Variants in ZMIZ1 observed in about 807,000 individuals in gnomAD.
ZMIZ1 encodes zinc finger MIZ domain-containing protein 1.
In ZMIZ1, 17 loss-of-function variants were observed where a neutral mutation model predicts 113.9. That is an observed-to-expected ratio of 0.15 (90% CI 0.10 to 0.22). The LOEUF (loss-of-function observed/expected upper bound fraction) is 0.22. Ranked by LOEUF, ZMIZ1 falls within the 10% of genes least tolerant of loss-of-function variation. The probability of loss-of-function intolerance (pLI) is 1.00; values close to 1 mark genes in which losing one functional copy is unlikely to be tolerated. For missense variants in ZMIZ1, 1,059 were observed against 1,477.8 expected, an observed-to-expected ratio of 0.72 and a Z score of 4.65; for synonymous variants, 607 against 603.1, an observed-to-expected ratio of 1.01 and a Z score of -0.09.
intron 4 of ZMIZ1, among the ~76,000 whole-genome samples, chr10:79,166,598 C>A (rs913660188): frequency 2.6e-5 from 4 of 152,260 alleles, no homozygotes; most frequent in Non-Finnish European, 5.9e-5. Flanking sequence ...GAGAGGCGGC[C>A]TGTGCCCACT....
chr10:79,285,849 T>C (rs770662955), intron 8 of ZMIZ1, among the ~76,000 whole-genome samples: 7 of 152,170 alleles, frequency 4.6e-5, no homozygotes, highest in Non-Finnish European at 8.8e-5. Context: ...GGAGGTGGCC[T>C]TTGGAAGAGC....
At chr10:79,149,445 C>A (rs1589339232) in intron 3 of ZMIZ1, among the ~76,000 whole-genome samples, 1 of 152,202 alleles carries the variant, frequency 6.6e-6, no homozygotes, top group African/African-American at 2.4e-5. Context: ...TCCCACCATA[C>A]CCCCAACCTG....
At chr10:79,247,440 G>A (rs1202715489) in intron 7 of ZMIZ1, among the ~76,000 whole-genome samples, 2 of 152,206 alleles carry the variant, frequency 1.3e-5, no homozygotes, top group Non-Finnish European at 2.9e-5. Flanking sequence ...CAGAGTACTG[G>A]GCGTGAGGAC....
chr10:79,156,870 C>T (rs996159273), intron 3 of ZMIZ1, among the ~76,000 whole-genome samples: 1 of 152,220 alleles, frequency 6.6e-6, no homozygotes, highest in Non-Finnish European at 1.5e-5. Context: ...AGCACCAAGT[C>T]CCTGGGTTCA....
At chr10:79,113,893 C>G (rs1843868176) in intron 1 of ZMIZ1, among the ~76,000 whole-genome samples, 1 of 152,192 alleles carries the variant, frequency 6.6e-6, no homozygotes. Context: ...GTGGGTCCTA[C>G]AGGCCTGATG....
rs748182961 is a variant in ZMIZ1 at position 79,277,162 on chromosome 10, T to C, written c.281-19T>C. 10 of 1,498,510 alleles carry C rather than the reference T, an allele frequency of 6.7e-6. No homozygotes were observed. 92.8% of individuals were successfully genotyped at this position (1,498,510 alleles called of 1,614,324 possible). A position where few individuals can be genotyped will look rare whatever the true frequency, so the allele number is the denominator to read the frequency against. On this transcript the variant is annotated intron_variant, in intron 7 of 24. Transcript: ENST00000334512. Reference sequence around the variant, plus strand: ...GCATGATGAACAAGCACCCACTGACTGTCCTGTCCTTCCTGCAGCCTTGTT... The same window carrying C: ...GCATGATGAACAAGCACCCACTGACCGTCCTGTCCTTCCTGCAGCCTTGTT...
At chr10:79,262,612 A>G (rs1385253239) in intron 7 of ZMIZ1, among the ~76,000 whole-genome samples, 2 of 152,256 alleles carry the variant, frequency 1.3e-5, no homozygotes, top group African/African-American at 4.8e-5. Context: ...ATCTTCTACA[A>G]AAAGAGAAAT....
rs536539792 is a variant in ZMIZ1, at chr10:79,208,127, G to T, written c.61-209G>T. Among the ~76,000 whole-genome samples, 473 of 136,836 alleles carry T rather than the reference G, an allele frequency of 3.5e-3. 7 individuals carry two copies. Among genetic ancestry groups the T allele is most frequent in the African/African-American group, 0.013 (457 of 35,292 alleles). The allele number at this position is 136,836 out of a possible 152,430, so 89.8% of individuals were successfully genotyped here. A position where few individuals can be genotyped will look rare whatever the true frequency, so the allele number is the denominator to read the frequency against. ...GGTGGATCGGGGAGGTGGGGTGGAG[G>T]TGGGGGTGGGGGGGGGTGGGAGCAG... On this transcript the variant is annotated intron_variant, in intron 5 of 24. Coordinates refer to ENST00000334512, the MANE Select transcript of ZMIZ1 (RefSeq NM_020338.4).
At chr10:79,209,417 G>A (rs534133689) in intron 6 of ZMIZ1, among the ~76,000 whole-genome samples, 1 of 152,348 alleles carries the variant, frequency 6.6e-6, no homozygotes, top group African/African-American at 2.4e-5. Context: ...AATGTCCCCA[G>A]CCATGTGGCC....
chr10:79,208,213 T>G, intron 5 of ZMIZ1, 123 bp from the exon 6 acceptor site: 1 of 741,672 alleles, frequency 1.3e-6, no homozygotes, highest in Non-Finnish European at 2.3e-6. Context: ...CAGCTACCCC[T>G]TTACCCCTTT....
chr10:79,264,689 G>T (rs1851483753), intron 7 of ZMIZ1, among the ~76,000 whole-genome samples: 1 of 152,146 alleles, frequency 6.6e-6, no homozygotes, highest in African/African-American at 2.4e-5. Context: ...CTCCGGAGGG[G>T]CTTGTGAGGG....
chr10:79,226,293 T>G (rs1849197629), intron 7 of ZMIZ1, among the ~76,000 whole-genome samples: 1 of 152,120 alleles, frequency 6.6e-6, no homozygotes, highest in African/African-American at 2.4e-5. Context: ...TCCCTGCATC[T>G]CTGCAGGTCA....
chr10:79,199,080 G>C (rs942719709), intron 4 of ZMIZ1, among the ~76,000 whole-genome samples: 1 of 151,924 alleles, frequency 6.6e-6, no homozygotes, highest in African/African-American at 2.4e-5. Context: ...GTTTCAGGCT[G>C]GAGTGTGAGC....
At chr10:79,120,873 C>T (rs1282607913) in intron 2 of ZMIZ1, among the ~76,000 whole-genome samples, 6 of 152,216 alleles carry the variant, frequency 3.9e-5, no homozygotes, top group Non-Finnish European at 8.8e-5. Context: ...GTGGTGGGGT[C>T]TGTGTCATCC....
chr10:79,123,871 G>A (rs960664034), intron 2 of ZMIZ1, among the ~76,000 whole-genome samples: 13 of 152,340 alleles, frequency 8.5e-5, no homozygotes, highest in African/African-American at 2.2e-4. Context: ...GGCCCAGCCC[G>A]TGGCCACACG....
At chr10:79,209,153 G>A (rs1848446512) in intron 6 of ZMIZ1, among the ~76,000 whole-genome samples, 3 of 143,734 alleles carry the variant, frequency 2.1e-5, no homozygotes, top group Admixed American at 1.3e-4. Context: ...AAGCAGCAGA[G>A]GGGCAGGAGT....
At chr10:79,236,354 G>A (rs1849586294) in intron 7 of ZMIZ1, among the ~76,000 whole-genome samples, 1 of 152,354 alleles carries the variant, frequency 6.6e-6, no homozygotes, top group Middle Eastern at 3.4e-3. Context: ...CAGGCAGGCA[G>A]ACAGTCCGGC....
chr10:79,239,481 C>G (rs1589464473), intron 7 of ZMIZ1, among the ~76,000 whole-genome samples: 1 of 152,316 alleles, frequency 6.6e-6, no homozygotes, highest in East Asian at 1.9e-4. Context: ...GCGCCTACGC[C>G]CGCATGGGTG....
chr10:79,081,981 G>C (rs949208675), intron 1 of ZMIZ1, among the ~76,000 whole-genome samples: 1 of 152,248 alleles, frequency 6.6e-6, no homozygotes, highest in African/African-American at 2.4e-5. Flanking sequence ...GAGGTCACAC[G>C]ACAAGTCCCT....
Sources: allele counts gnomAD v4.1 joint callset (sites outside exome capture counted in the v4.1 genomes callset), GRCh38; gene constraint gnomAD v4.1.1; transcripts MANE v1.5; gene names NCBI Gene and HGNC (gene_info 2026-07-23, HGNC 2026-07-21).